POLG: variants seen among roughly 807,000 people sequenced by gnomAD.
POLG encodes DNA polymerase subunit gamma-1.
In POLG, 110 loss-of-function variants were observed where a neutral mutation model predicts 155.4. That is an observed-to-expected ratio of 0.71 (90% CI 0.61 to 0.83). The LOEUF (loss-of-function observed/expected upper bound fraction) is 0.83. POLG is among the 40% of genes least tolerant of loss of function. POLG has a pLI of 0.00. For synonymous variants in POLG, 701 were observed against 631.5 expected, an observed-to-expected ratio of 1.11 and a Z score of -1.65; for missense variants, 1,685 against 1,627.5, an observed-to-expected ratio of 1.04 and a Z score of -0.61.
At chr15:89,317,089 A>C (rs987789430) in intron 22 of POLG, 13 of 592,148 alleles carry the variant, frequency 2.2e-5, no homozygotes, top group Non-Finnish European at 3.6e-5. Context: ...TCACCTATAG[A>C]GTGCAAGAAT....
chr15:89,325,107 A>AGTGAGAGAGTGAGTGAGT (rs10637324), intron 10 of POLG, among the ~76,000 whole-genome samples: 1 of 36,618 alleles, frequency 2.7e-5, no homozygotes, highest in Non-Finnish European at 4.9e-5. Context: ...TGAGAGAGTG[A>AGTGAGAGAGTGAGTGAGT]GAGAGAGTGA....
At chr15:89,325,112 G>A (rs1297456582) in intron 10 of POLG, among the ~76,000 whole-genome samples, 5 of 62,006 alleles carry the variant, frequency 8.1e-5, no homozygotes, top group African/African-American at 4.6e-4. Context: ...GAGTGAGAGA[G>A]AGTGAGTGAG....
At chr15:89,331,245 T>C in intron 2 of POLG, among the ~76,000 whole-genome samples, 1 of 152,038 alleles carries the variant, frequency 6.6e-6, no homozygotes, top group South Asian at 2.1e-4. Context: ...CCTGACAAAA[T>C]CGAACTCATA....
Position 89,321,830 on chromosome 15 carries a change from C to G in POLG, c.2504G>C (p.Gly835Ala). 6.2e-7 allele frequency: 1 copy of G among 1,614,050 alleles called. No homozygotes were observed. The highest frequency in any genetic ancestry group is 1.1e-5 in the South Asian group (1 of 91,080). The stretch of plus-strand genomic sequence containing the variant: ...TTGGGGCAGGATGGCCCCATAGAGG[C>G]CTTCCTCATCATAGTCGGGGTGCCT... ...VIRHPDYDEE[G>A]LYGAILPQVV... The change falls in exon 16 of 23, where the codon GGC (glycine) becomes GCC (alanine). Residue 835 changes from glycine to alanine, a missense_variant. Physicochemically the swap from Gly to Ala is moderately conservative, Grantham distance 60 (BLOSUM62 0). Coordinates refer to ENST00000268124, the MANE Select transcript of POLG (RefSeq NM_002693.3).
intron 11 of POLG, 81 bp from the exon 12 acceptor site, chr15:89,323,982 C>CA (rs757791366): frequency 1.8e-5 from 28 of 1,531,858 alleles, no homozygotes; most frequent in Non-Finnish European, 2.4e-5. Context: ...GCATGGTACT[C>CA]AGACACTGCA....
At position 89,325,139 on chromosome 15, in the gene POLG, TGAGA is replaced by T. The variant is rs749199152; in HGVS notation, c.1949+307_1949+310del. On this transcript the variant is annotated intron_variant, in intron 10 of 22. Coordinates refer to ENST00000268124, the MANE Select transcript of POLG (RefSeq NM_002693.3). ...GTGAGTGAGTGAGTGAGAGAGTGAG[TGAGA>T]GAGTGAGTGAGTGAGTGAGTGAGTG... Among the ~76,000 whole-genome samples, 329 of 36,812 alleles carry T rather than the reference TGAGA, an allele frequency of 8.9e-3. 56 individuals are homozygous for T. Among genetic ancestry groups the T allele is most frequent in the African/African-American group, 0.023 (175 of 7,538 alleles). The allele number at this position is 36,812 out of a possible 152,430, so 24.2% of individuals were successfully genotyped here. A position where few individuals can be genotyped will look rare whatever the true frequency, so the allele number is the denominator to read the frequency against.
In POLG at chr15:89,316,622, C is replaced by A; in HGVS notation, c.*129G>T. On this transcript the variant is annotated 3_prime_UTR_variant, in exon 23 of 23. Transcript: ENST00000268124. ...GTTAGAAGGAATCTTCTTGGCAGGT[C>A]CTGCTACTGAAAAATGGCTGGCCTT... The A allele has an allele frequency of 9.0e-7, 1 of 1,114,070 alleles. No homozygotes were observed. The highest frequency in any genetic ancestry group is 1.9e-5 in the Admixed American group (1 of 53,190). 69.0% of individuals were successfully genotyped at this position (1,114,070 alleles called of 1,614,324 possible).
At position 89,318,598 on chromosome 15, in the gene POLG, C is replaced by T. The variant is rs536732038; in HGVS notation, c.3425G>A (p.Arg1142Gln). ...SIHDEVRYLV[R>Q]EEDRYRAALA... The stretch of plus-strand genomic sequence containing the variant: ...GGCAGCGCGGTAGCGGTCCTCCTCC[C>T]GCACCAGGTAGCGAACCTCGTCATG... Residue 1142 changes from arginine (R) to glutamine (Q), a missense_variant, in exon 21 of 23, where the codon CGG becomes CAG. Physicochemically the swap from Arg to Gln is conservative, Grantham distance 43. This residue lies in a region of POLG where 470 missense variants were observed against 439.9 expected (regional missense o/e 1.07). Coordinates refer to ENST00000268124, the MANE Select transcript of POLG (RefSeq NM_002693.3). 1.7e-5 allele frequency: 28 copies of T among 1,614,156 alleles called. No homozygotes were observed. The highest frequency in any genetic ancestry group is 6.7e-5 in the East Asian group (3 of 44,882).
At chr15:89,329,526 A>G (rs942568018) in intron 3 of POLG, among the ~76,000 whole-genome samples, 1 of 152,176 alleles carries the variant, frequency 6.6e-6, no homozygotes, top group Non-Finnish European at 1.5e-5. Flanking sequence ...ACCCTCAGCT[A>G]TAGGGTAAGG....
rs748622137 is a variant in POLG, at chr15:89,330,126, A to T, written c.810T>A (p.Asn270Lys). 1.9e-6 allele frequency: 3 copies of T among 1,613,898 alleles called. No individual in the cohort carries two copies. Among genetic ancestry groups the T allele is most frequent in the African/African-American group, 1.3e-5 (1 of 74,894 alleles). ...TGATATGAGCTCGGTCAAAGGAAAC[A>T]TTGTGCCCCACCACTAACTGCTCCT... ...DWQEQLVVGH[N>K]VSFDRAHIRE... Residue 270 changes from asparagine (N) to lysine (K), a missense_variant, in exon 3 of 23, where the codon AAT becomes AAA. Transcript: ENST00000268124.
intron 18 of POLG, 73 bp from the exon 19 acceptor site, chr15:89,319,423 T>C: frequency 6.3e-7 from 1 of 1,590,064 alleles, no homozygotes. Context: ...GCAAGGAATG[T>C]TCACATATCA....
At chr15:89,326,762 C>A in intron 8 of POLG, 24 bp from the exon 9 acceptor site, 1 of 1,614,058 alleles carries the variant, frequency 6.2e-7, no homozygotes, top group South Asian at 1.1e-5. Flanking sequence ...GGAAGACAAT[C>A]AGGAGCAGGA....
In POLG at chr15:89,319,071, C is replaced by G. The variant is rs141687803; in HGVS notation, c.3133G>C (p.Ala1045Pro). Residue 1045 changes from alanine to proline, a missense_variant, in exon 20 of 23, where the codon GCT (alanine) becomes CCT (proline). Transcript: ENST00000268124. ...KSQWKKWEVV[A>P]ERAWKGGTES... ...GTGCCCCCCTTCCATGCCCGTTCAG[C>G]AACCACCTCCCACTTCTTCCACTGT... 5.0e-6 allele frequency: 8 copies of G among 1,614,140 alleles called. No individual in the cohort carries two copies. The highest frequency in any genetic ancestry group is 6.8e-6 in the Non-Finnish European group (8 of 1,180,006).
chr15:89,333,296 C>G lies in POLG; in HGVS notation c.459G>C (p.Ala153=). The G allele has an allele frequency of 6.4e-7, 1 of 1,554,038 alleles. No homozygotes were observed. The highest frequency in any genetic ancestry group is 2.4e-5 in the East Asian group (1 of 41,548). The change falls in exon 2 of 23, where the codon GCG becomes GCC. Residue 153 remains alanine, a synonymous_variant. Transcript: ENST00000268124. The stretch of plus-strand genomic sequence containing the variant: ...GCTGGGCCTGCAACAGCAAGTTGGC[C>G]GCCTCCAGGTAGGGCAGGCTCTGCT... ...AQKQSLPYLE[A]ANLLLQAQLP...
intron 1 of POLG, 136 bp from the exon 2 acceptor site, chr15:89,334,049 AAAACTTGGG>A (rs1468980806): frequency 2.1e-6 from 1 of 484,942 alleles, no homozygotes; most frequent in African/African-American, 2.0e-5. Flanking sequence ...GTTAAGCCTC[AAAACTTGGG>A]AAACGTCAAT....
rs1422562559 is a variant in POLG at position 89,318,649 on chromosome 15, A to G, written c.3374T>C (p.Ile1125Thr). 6 of 1,614,084 alleles carry G rather than the reference A, an allele frequency of 3.7e-6. No individual in the cohort carries two copies. The highest frequency in any genetic ancestry group is 5.1e-6 in the Non-Finnish European group (6 of 1,180,040). Reference protein sequence around the residue: ...AMKWLFEEFAIDGRFCISIHD... With the variant: ...AMKWLFEEFATDGRFCISIHD... ...GATGCTGATGCAGAAGCGCCCATCT[A>G]TGGCAAACTCTTCAAACAGCCACTT... The change falls in exon 21 of 23, where the codon ATA (isoleucine) becomes ACA (threonine). Residue 1125 changes from isoleucine (I) to threonine (T), a missense_variant. By Grantham distance (89) the Ile-to-Thr change is moderately conservative. This residue lies in a region of POLG where 470 missense variants were observed against 439.9 expected (regional missense o/e 1.07). Coordinates refer to ENST00000268124, the MANE Select transcript of POLG (RefSeq NM_002693.3).
At chr15:89,317,673 A>C (rs1567184387) in intron 21 of POLG, 137 bp from the exon 22 acceptor site, 1 of 821,266 alleles carries the variant, frequency 1.2e-6, no homozygotes, top group Non-Finnish European at 2.1e-6. Context: ...TAGCTAAGTC[A>C]AGAAAGGTGA....
chr15:89,320,948 A>G lies in POLG; in HGVS notation c.2799T>C (p.Ser933=), dbSNP rs765916932. The G allele has an allele frequency of 1.9e-6, 3 of 1,613,978 alleles. No individual in the cohort carries two copies. Among genetic ancestry groups the G allele is most frequent in the Non-Finnish European group, 2.5e-6 (3 of 1,180,020 alleles). The change falls in exon 18 of 23, where the codon AGT becomes AGC. Residue 933 remains serine, a synonymous_variant. Transcript: ENST00000268124. The stretch of plus-strand genomic sequence containing the variant: ...TGATGCCCACAGTAGTGGCTGTCTT[A>G]CTGTGTAGATCAGTGCCCCTGCTCT... ...GRKSRGTDLH[S]KTATTVGISR...
At chr15:89,318,445 G>T in intron 21 of POLG, 96 bp downstream of exon 21, 1 of 986,546 alleles carries the variant, frequency 1.0e-6, no homozygotes, top group Non-Finnish European at 1.6e-6. Context: ...CTAGGGGGAT[G>T]AAAAGTCAAA....
Sources: gnomAD v4.1 joint callset for allele counts (sites outside exome capture counted in the v4.1 genomes callset) on GRCh38, gnomAD v4.1.1 for gene constraint, gnomAD v4.1.1 regional missense constraint, MANE v1.5 for transcripts, NCBI Gene and HGNC (gene_info 2026-07-23, HGNC 2026-07-21) for gene names.